NPAS3: variants seen among roughly 807,000 people sequenced by gnomAD.
NPAS3 encodes the protein neuronal PAS domain-containing protein 3.
Under a neutral mutation model 73.1 loss-of-function variants are expected in NPAS3, and 14 were observed. The observed-to-expected ratio is 0.19, with a 90% CI of 0.13 to 0.30. The LOEUF (loss-of-function observed/expected upper bound fraction) is 0.30. NPAS3 is among the 10% of genes least tolerant of loss of function. The pLI is 1.00. For missense variants in NPAS3, 1,096 were observed against 1,250.0 expected (o/e 0.88, Z 1.86); for synonymous variants, 620 against 541.5 (o/e 1.14, Z -2.01).
chr14:33,605,087 G>C (rs1197267465), intron 5 of NPAS3, among the ~76,000 whole-genome samples: 1 of 151,674 alleles, frequency 6.6e-6, no homozygotes. Context: ...GATTAAAGTA[G>C]AAATCAATGA....
intron 2 of NPAS3, among the ~76,000 whole-genome samples, chr14:33,072,821 C>T (rs983903158): frequency 1.1e-4 from 17 of 152,122 alleles, no homozygotes; most frequent in South Asian, 2.1e-4. Flanking sequence ...AATTTAACAT[C>T]TAGTCTCTCT....
At chr14:33,741,003 A>G (rs2061642358) in intron 7 of NPAS3, among the ~76,000 whole-genome samples, 1 of 152,136 alleles carries the variant, frequency 6.6e-6, no homozygotes, top group Admixed American at 6.6e-5. Context: ...ATACCAGGAA[A>G]AGTATAGCCT....
chr14:33,434,842 ATTC>A (rs1203230592), intron 4 of NPAS3, among the ~76,000 whole-genome samples: 2 of 152,364 alleles, frequency 1.3e-5, no homozygotes, highest in South Asian at 2.1e-4. Flanking sequence ...ACTTTAAAAT[ATTC>A]TTCAGTAGAT....
chr14:32,966,595 C>A lies in NPAS3; in HGVS notation c.50+27229C>A, dbSNP rs865787058. 2.7e-5 allele frequency among the ~76,000 whole-genome samples: 2 copies of A among 74,784 alleles called. 1 individual carries two copies. The highest frequency in any genetic ancestry group is 6.1e-5 in the Non-Finnish European group (2 of 32,702). The allele number at this position is 74,784 out of a possible 152,430, so 49.1% of individuals were successfully genotyped here. A position where few individuals can be genotyped will look rare whatever the true frequency, so the allele number is the denominator to read the frequency against. ...CACGTAAGAACCCAAATTATGAAAC[C>A]CCGTCTCTACTAAAAATACAAAAAA... On this transcript the variant is annotated intron_variant, in intron 1 of 11. Coordinates refer to ENST00000356141, the Ensembl canonical transcript of NPAS3.
chr14:33,221,332 C>T (rs768359532), intron 3 of NPAS3, among the ~76,000 whole-genome samples: 8 of 152,148 alleles, frequency 5.3e-5, no homozygotes, highest in Admixed American at 3.3e-4. Flanking sequence ...GCACATTGCA[C>T]CTCTACTGGG....
chr14:33,547,990 G>T (rs867932954), intron 4 of NPAS3, among the ~76,000 whole-genome samples: 1 of 152,324 alleles, frequency 6.6e-6, no homozygotes, highest in Middle Eastern at 3.4e-3. Flanking sequence ...AACTACTACT[G>T]TAGTAATGAA....
At chr14:33,360,001 G>C (rs567358075) in intron 3 of NPAS3, among the ~76,000 whole-genome samples, 1 of 152,188 alleles carries the variant, frequency 6.6e-6, no homozygotes, top group East Asian at 1.9e-4. Context: ...ACCTTCTTAC[G>C]TCAAGAATGT....
At chr14:33,611,419 T>A (rs192119786) in intron 5 of NPAS3, among the ~76,000 whole-genome samples, 1 of 152,240 alleles carries the variant, frequency 6.6e-6, no homozygotes, top group African/African-American at 2.4e-5. Flanking sequence ...GAATCTTGGA[T>A]GTTTCATGAG....
intron 3 of NPAS3, among the ~76,000 whole-genome samples, chr14:33,276,537 G>A (rs1391789502): frequency 2.6e-5 from 4 of 152,072 alleles, no homozygotes; most frequent in Non-Finnish European, 5.9e-5. Flanking sequence ...CAAAGCCACA[G>A]AAGTGTTGAT....
chr14:33,397,909 T>G (rs4982083), intron 4 of NPAS3, among the ~76,000 whole-genome samples: 1 of 151,918 alleles, frequency 6.6e-6, no homozygotes, highest in Non-Finnish European at 1.5e-5. Flanking sequence ...AATAGACACA[T>G]AGGTCCTCTG....
chr14:33,616,399 C>T (rs1209245791), intron 5 of NPAS3, among the ~76,000 whole-genome samples: 1 of 152,174 alleles, frequency 6.6e-6, no homozygotes, highest in African/African-American at 2.4e-5. Context: ...AGGTCAGGAG[C>T]ATGGGAACAC....
intron 9 of NPAS3, among the ~76,000 whole-genome samples, chr14:33,782,629 G>T (rs190921012): frequency 1.3e-5 from 2 of 152,272 alleles, no homozygotes; most frequent in East Asian, 1.9e-4. Context: ...AGGCTCTGGA[G>T]CTGTGGGATT....
intron 4 of NPAS3, among the ~76,000 whole-genome samples, chr14:33,371,061 G>T (rs1017108225): frequency 6.6e-6 from 1 of 152,072 alleles, no homozygotes; most frequent in Admixed American, 6.6e-5. Flanking sequence ...GCAAAGAGAG[G>T]GTTAAGGAGA....
chr14:33,183,102 C>G (rs1016635853), intron 2 of NPAS3, among the ~76,000 whole-genome samples: 1 of 152,140 alleles, frequency 6.6e-6, no homozygotes, highest in Non-Finnish European at 1.5e-5. Flanking sequence ...ATTTTTGCCA[C>G]TACTTCTTTA....
rs188961218 is a variant in NPAS3 at position 33,142,839 on chromosome 14, C to A, written c.141-72343C>A. The stretch of plus-strand genomic sequence containing the variant: ...AGAAATACCACTTAGCGGTGGCTCA[C>A]GCCTGTAATCCCAACACTTGGGAAG... On this transcript the variant is annotated intron_variant, in intron 2 of 11. Coordinates refer to ENST00000356141, the Ensembl canonical transcript of NPAS3. 3.3e-3 allele frequency among the ~76,000 whole-genome samples: 506 copies of A among 152,328 alleles called. 5 individuals carry two copies. The highest frequency in any genetic ancestry group is 0.011 in the African/African-American group (460 of 41,578).
At chr14:33,437,360 A>G (rs2049033286) in intron 4 of NPAS3, among the ~76,000 whole-genome samples, 1 of 152,204 alleles carries the variant, frequency 6.6e-6, no homozygotes, top group African/African-American at 2.4e-5. Flanking sequence ...GGAAGAGGAA[A>G]CAGTGCTGAG....
Position 32,945,657 on chromosome 14 carries a change from A to G in NPAS3, c.50+6291A>G, listed in dbSNP as rs567080794. Among the ~76,000 whole-genome samples the G allele has an allele frequency of 7.9e-5, 12 of 152,314 alleles. No individual in the cohort carries two copies. In the East Asian group the frequency reaches 1.7e-3, roughly 22 times the overall value. On this transcript the variant is annotated intron_variant, in intron 1 of 11. Transcript: ENST00000356141. ...TCCAAACTCAGAGATTTCCGAGCCA[A>G]TATCAGAGAGTTCCAATGGCAGAAA...
chr14:33,619,973 T>C (rs2058032677), intron 5 of NPAS3, among the ~76,000 whole-genome samples: 1 of 152,142 alleles, frequency 6.6e-6, no homozygotes, highest in African/African-American at 2.4e-5. Flanking sequence ...TGGATCAGAT[T>C]TTTGACATTT....
chr14:33,573,069 T>C (rs73270947), intron 5 of NPAS3, among the ~76,000 whole-genome samples: 90 of 149,870 alleles, frequency 6.0e-4, no homozygotes, highest in African/African-American at 2.1e-3. Context: ...GCTAATGGTG[T>C]AAATGAACTT....
Sources: allele counts gnomAD v4.1 joint callset (sites outside exome capture counted in the v4.1 genomes callset), GRCh38; gene constraint gnomAD v4.1.1; transcripts MANE v1.5; gene names NCBI Gene and HGNC (gene_info 2026-07-23, HGNC 2026-07-21).